SGCD: variants seen among roughly 807,000 people sequenced by gnomAD.
SGCD encodes delta-sarcoglycan.
SGCD carries 18 observed loss-of-function variants against 36.6 expected under a neutral mutation model. That is an observed-to-expected ratio of 0.49 (90% CI 0.34 to 0.73). SGCD has a LOEUF of 0.73. Ranked by LOEUF, SGCD falls within the 30% of genes least tolerant of loss-of-function variation. SGCD has a pLI of 0.01. For missense variants in SGCD, 387 were observed against 346.7 expected, an observed-to-expected ratio of 1.12 and a Z score of -0.92; for synonymous variants, 133 against 130.6, an observed-to-expected ratio of 1.02 and a Z score of -0.12.
chr5:155,798,206 T>A, the SGCD span, among the ~76,000 whole-genome samples: 17 of 152,224 alleles, frequency 1.1e-4, no homozygotes, highest in African/African-American at 3.9e-4. Flanking sequence ...AATCTCTTCA[T>A]TTTTGTTATG....
intron 4 of SGCD, among the ~76,000 whole-genome samples, chr5:156,549,822 A>T (rs113794120): frequency 6.6e-6 from 1 of 152,226 alleles, no homozygotes; most frequent in Non-Finnish European, 1.5e-5. Flanking sequence ...AACCCTTTCT[A>T]CTAAATAAAT....
intron 3 of SGCD, among the ~76,000 whole-genome samples, chr5:156,492,135 G>A (rs1755974086): frequency 6.6e-6 from 1 of 152,134 alleles, no homozygotes; most frequent in African/African-American, 2.4e-5. Flanking sequence ...TAACATGTAT[G>A]AATCCTTTTT....
intron 7 of SGCD, among the ~76,000 whole-genome samples, chr5:156,684,701 A>G (rs1753844323): frequency 6.6e-6 from 1 of 152,226 alleles, no homozygotes; most frequent in Admixed American, 6.5e-5. Flanking sequence ...AAAGACCAGG[A>G]CAGTCTACAT....
At chr5:156,485,425 G>A (rs1755616013) in intron 3 of SGCD, among the ~76,000 whole-genome samples, 2 of 152,190 alleles carry the variant, frequency 1.3e-5, no homozygotes, top group African/African-American at 4.8e-5. Context: ...CACTTTTGGA[G>A]GCCAAGGCAG....
At chr5:155,747,800 A>T in the SGCD span, among the ~76,000 whole-genome samples, 2 of 152,134 alleles carry the variant, frequency 1.3e-5, no homozygotes, top group African/African-American at 4.8e-5. Context: ...TCTTGGCCAA[A>T]TGGCACCAGT....
intron 1 of SGCD, among the ~76,000 whole-genome samples, chr5:155,883,924 G>A (rs1464451844): frequency 6.6e-6 from 1 of 151,968 alleles, no homozygotes; most frequent in Non-Finnish European, 1.5e-5. Flanking sequence ...AAATCCTACA[G>A]GGTAGTTATT....
chr5:156,001,996 G>A (rs528467713), intron 1 of SGCD, among the ~76,000 whole-genome samples: 15 of 152,328 alleles, frequency 9.8e-5, no homozygotes, highest in African/African-American at 3.4e-4. Flanking sequence ...AAAGAAGATT[G>A]TCTTGCTCTA....
intron 3 of SGCD, among the ~76,000 whole-genome samples, chr5:156,198,546 G>A (rs188261825): frequency 4.0e-4 from 61 of 152,218 alleles, no homozygotes; most frequent in Admixed American, 9.2e-4. Flanking sequence ...ACTGGGATTT[G>A]TATTTAGCCT....
intron 1 of SGCD, among the ~76,000 whole-genome samples, chr5:156,111,501 A>G (rs1761784861): frequency 6.6e-6 from 1 of 152,206 alleles, no homozygotes; most frequent in Non-Finnish European, 1.5e-5. Context: ...GGAATCAGCC[A>G]GAGATGCATT....
chr5:156,271,572 A>G (rs539903399), intron 3 of SGCD, among the ~76,000 whole-genome samples: 8 of 152,288 alleles, frequency 5.3e-5, no homozygotes, highest in Non-Finnish European at 1.2e-4. Flanking sequence ...TGCTTGATCC[A>G]AAAATATTAA....
intron 3 of SGCD, among the ~76,000 whole-genome samples, chr5:156,355,995 T>G (rs1434075331): frequency 6.6e-6 from 1 of 152,222 alleles, no homozygotes; most frequent in Non-Finnish European, 1.5e-5. Flanking sequence ...GGTGTGAGTG[T>G]GTATGTTTGC....
At chr5:156,008,324 G>A (rs1337115772) in intron 1 of SGCD, among the ~76,000 whole-genome samples, 1 of 152,008 alleles carries the variant, frequency 6.6e-6, no homozygotes, top group Non-Finnish European at 1.5e-5. Context: ...GATATGCTCC[G>A]ATCTGCACAC....
intron 4 of SGCD, among the ~76,000 whole-genome samples, chr5:156,577,622 G>A (rs992997604): frequency 6.6e-6 from 1 of 152,122 alleles, no homozygotes; most frequent in African/African-American, 2.4e-5. Context: ...TCCTTGAAGA[G>A]GTCCTTCACA....
At chr5:155,804,313 C>A in the SGCD span, among the ~76,000 whole-genome samples, 3 of 152,182 alleles carry the variant, frequency 2.0e-5, no homozygotes, top group Non-Finnish European at 2.9e-5. Context: ...GAAACTGAGA[C>A]TCAAAGGGGA....
the SGCD span, among the ~76,000 whole-genome samples, chr5:155,798,227 C>T: frequency 6.6e-6 from 1 of 152,164 alleles, no homozygotes; most frequent in African/African-American, 2.4e-5. Context: ...TTGATATCTC[C>T]AAGTAACTTG....
intron 1 of SGCD, among the ~76,000 whole-genome samples, chr5:155,929,509 T>G (rs1757058793): frequency 6.6e-6 from 1 of 152,174 alleles, no homozygotes; most frequent in South Asian, 2.1e-4. Context: ...ACATCACATT[T>G]ACCTTCCACT....
At chr5:156,142,034 G>T (rs913850422) in intron 3 of SGCD, among the ~76,000 whole-genome samples, 59 of 152,146 alleles carry the variant, frequency 3.9e-4, no homozygotes, top group African/African-American at 1.4e-3. Context: ...GGCCTGGTGG[G>T]AGATGATTGA....
chr5:156,305,543 C>T (rs1352131413), intron 3 of SGCD, among the ~76,000 whole-genome samples: 1 of 152,122 alleles, frequency 6.6e-6, no homozygotes, highest in Non-Finnish European at 1.5e-5. Context: ...TCATGGAGAA[C>T]CTCTGTTAGG....
At chr5:155,803,670 T>G in the SGCD span, among the ~76,000 whole-genome samples, 1 of 152,206 alleles carries the variant, frequency 6.6e-6, no homozygotes, top group Non-Finnish European at 1.5e-5. Context: ...GTTATTTGAC[T>G]GTTTCTATTA....
Sources: gnomAD v4.1 joint callset for allele counts (sites outside exome capture counted in the v4.1 genomes callset) on GRCh38, gnomAD v4.1.1 for gene constraint, MANE v1.5 for transcripts, NCBI Gene and HGNC (gene_info 2026-07-23, HGNC 2026-07-21) for gene names.